Variants in PCDH15 observed in about 807,000 individuals in gnomAD.
PCDH15 encodes the protein protocadherin-15.
In PCDH15, 129 loss-of-function variants were observed where a neutral mutation model predicts 178.5. The ratio of observed to expected loss-of-function variants is 0.72; its 90% CI spans 0.63 to 0.84. The LOEUF (loss-of-function observed/expected upper bound fraction) is 0.84. PCDH15 is among the 40% of genes least tolerant of loss of function. PCDH15 has a pLI of 0.00. For synonymous variants in PCDH15, 800 were observed against 732.0 expected (o/e 1.09, Z -1.50); for missense variants, 2,230 against 2,099.9 (o/e 1.06, Z -1.21).
At chr10:54,550,075 C>T (rs1185896636) in intron 2 of PCDH15, among the ~76,000 whole-genome samples, 1 of 152,112 alleles carries the variant, frequency 6.6e-6, no homozygotes, top group Non-Finnish European at 1.5e-5. Flanking sequence ...CGCTCCAAAA[C>T]AAATGTGGAT....
intron 8 of PCDH15, among the ~76,000 whole-genome samples, chr10:54,244,648 T>A (rs10047378): frequency 0.063 from 9,603 of 152,248 alleles, 570 homozygotes; most frequent in African/African-American, 0.15. Flanking sequence ...CAGAAATATT[T>A]CTTACAACCC....
chr10:53,915,270 G>A (rs1194316429), intron 25 of PCDH15, among the ~76,000 whole-genome samples: 2 of 152,142 alleles, frequency 1.3e-5, no homozygotes, highest in Non-Finnish European at 2.9e-5. Flanking sequence ...ATTATTAACT[G>A]TATTAGCATG....
chr10:55,440,542 G>T (rs1434488338), intron 2 of PCDH15, among the ~76,000 whole-genome samples: 3 of 152,122 alleles, frequency 2.0e-5, no homozygotes, highest in Non-Finnish European at 4.4e-5. Flanking sequence ...TAAATATGCT[G>T]CTTCTTTGAA....
At chr10:53,851,084 A>G (rs189878079) in intron 28 of PCDH15, among the ~76,000 whole-genome samples, 2 of 152,234 alleles carry the variant, frequency 1.3e-5, no homozygotes, top group African/African-American at 4.8e-5. Flanking sequence ...CTGGGTTTTC[A>G]TAACTGCAGT....
At chr10:55,192,432 C>T (rs572329448) in intron 1 of PCDH15, among the ~76,000 whole-genome samples, 23 of 151,858 alleles carry the variant, frequency 1.5e-4, no homozygotes, top group South Asian at 1.2e-3. Flanking sequence ...ATAGATATTC[C>T]ACACGGAGGA....
chr10:54,072,086 C>G (rs1297055069), intron 17 of PCDH15, among the ~76,000 whole-genome samples: 1 of 151,874 alleles, frequency 6.6e-6, no homozygotes, highest in Non-Finnish European at 1.5e-5. Context: ...TTGAAAATTT[C>G]CATCTGTGAG....
chr10:54,679,613 A>G lies in PCDH15; in HGVS notation c.-28-15323T>C, dbSNP rs2094862965. Reference sequence around the variant, plus strand: ...GGCTTATGTCTATAATTTTCTTGTAATCTCATTCTGAATGGAGCTTTCTTG... The same window carrying G: ...GGCTTATGTCTATAATTTTCTTGTAGTCTCATTCTGAATGGAGCTTTCTTG... On this transcript the variant is annotated intron_variant, in intron 1 of 37. Transcript: ENST00000644397. Among the ~76,000 whole-genome samples the G allele has an allele frequency of 3.3e-5, 5 of 152,280 alleles. No individual in the cohort carries two copies. In the South Asian group the frequency reaches 8.3e-4, roughly 25 times the overall value.
In PCDH15 at chr10:55,160,691, TTTTCAGACTAACGCTATATGCTCC is replaced by T. The variant is rs568506067; in HGVS notation, c.-80+5861_-80+5884del. On this transcript the variant is annotated intron_variant, in intron 2 of 5. Transcript: ENST00000458638. ...AAGCATCTTGTTGATGCAGACTGACTTTTCAGACTAACGCTATATGCTCCTGCTAAGTGACTATTTGCTACCATC... is the reference window on the plus strand; with the variant it reads ...AAGCATCTTGTTGATGCAGACTGACTTGCTAAGTGACTATTTGCTACCATC... Among the ~76,000 whole-genome samples, 11 of 152,130 alleles carry T rather than the reference TTTTCAGACTAACGCTATATGCTCC, an allele frequency of 7.2e-5. No homozygotes were observed. In the East Asian group the frequency reaches 1.8e-3, roughly 24 times the overall value.
At chr10:54,789,413 G>A (rs936240353) in intron 1 of PCDH15, among the ~76,000 whole-genome samples, 2 of 151,666 alleles carry the variant, frequency 1.3e-5, no homozygotes, top group African/African-American at 4.8e-5. Flanking sequence ...GCACTGCAGC[G>A]GAGATGACTG....
At chr10:55,461,653 T>C (rs1161023083) in intron 2 of PCDH15, among the ~76,000 whole-genome samples, 1 of 152,068 alleles carries the variant, frequency 6.6e-6, no homozygotes, top group Non-Finnish European at 1.5e-5. Context: ...TAAGGTCAAG[T>C]TTTCAGTTTC....
chr10:55,071,301 G>A (rs1413941351), intron 2 of PCDH15, among the ~76,000 whole-genome samples: 2 of 147,952 alleles, frequency 1.4e-5, no homozygotes, highest in Admixed American at 6.7e-5. Context: ...GACACAGACT[G>A]GCAAATTGGA....
intron 2 of PCDH15, among the ~76,000 whole-genome samples, chr10:54,661,651 T>C (rs1157114177): frequency 6.6e-6 from 1 of 151,946 alleles, no homozygotes; most frequent in Non-Finnish European, 1.5e-5. Context: ...GACTTTATAC[T>C]ATAAGGCTAT....
chr10:55,448,666 CA>C (rs1839369707), intron 2 of PCDH15, among the ~76,000 whole-genome samples: 1 of 151,922 alleles, frequency 6.6e-6, no homozygotes, highest in Non-Finnish European at 1.5e-5. Flanking sequence ...CTGTCTGATG[CA>C]AATCTCTCAA....
chr10:54,485,701 G>A (rs148041543), intron 3 of PCDH15, among the ~76,000 whole-genome samples: 131 of 152,046 alleles, frequency 8.6e-4, no homozygotes, highest in African/African-American at 3.1e-3. Context: ...CCTTTATACA[G>A]ATCACGAGTT....
chr10:54,027,529 G>C (rs574659786), intron 18 of PCDH15, among the ~76,000 whole-genome samples: 1 of 150,478 alleles, frequency 6.6e-6, no homozygotes, highest in Non-Finnish European at 1.5e-5. Flanking sequence ...CACACTACCT[G>C]ACTTCAAACT....
chr10:54,315,932 TTTTTTTTG>T (rs148217444), intron 8 of PCDH15, among the ~76,000 whole-genome samples: 60,087 of 149,142 alleles, frequency 0.4, 12,794 homozygotes, highest in Middle Eastern at 0.59. Context: ...AGTTTGTGTG[TTTTTTTTG>T]TTTGTTTGTT....
At chr10:53,944,178 T>C (rs2086327619) in intron 23 of PCDH15, among the ~76,000 whole-genome samples, 1 of 152,206 alleles carries the variant, frequency 6.6e-6, no homozygotes, top group Non-Finnish European at 1.5e-5. Context: ...AAGTCTGGTG[T>C]GATTTGTAAA....
At chr10:54,155,040 A>G (rs2044957453) in intron 13 of PCDH15, among the ~76,000 whole-genome samples, 1 of 152,218 alleles carries the variant, frequency 6.6e-6, no homozygotes, top group Non-Finnish European at 1.5e-5. Context: ...TAAATCACTT[A>G]AAATGTCTCA....
At chr10:54,822,750 G>C (rs778201433) in intron 3 of PCDH15, among the ~76,000 whole-genome samples, 1 of 151,490 alleles carries the variant, frequency 6.6e-6, no homozygotes, top group Non-Finnish European at 1.5e-5. Context: ...ACATTCCTGC[G>C]AACAGGAATA....
Sources: allele counts gnomAD v4.1 joint callset (sites outside exome capture counted in the v4.1 genomes callset), GRCh38; gene constraint gnomAD v4.1.1; transcripts MANE v1.5; gene names NCBI Gene and HGNC (gene_info 2026-07-23, HGNC 2026-07-21).